The following MZT2B variants were observed in gnomAD, a reference collection of about 807,000 sequenced individuals.
MZT2B encodes mitotic-spindle organizing protein 2B.
MZT2B carries 11 observed loss-of-function variants against 12.1 expected under a neutral mutation model. The ratio of observed to expected loss-of-function variants is 0.91; its 90% confidence interval spans 0.57 to 1.50. The LOEUF (loss-of-function observed/expected upper bound fraction) is 1.50. MZT2B is among the 40% of genes most tolerant of loss of function. MZT2B has a pLI of 0.00. For missense variants in MZT2B, 209 were observed against 227.7 expected (o/e 0.92, Z 0.53); for synonymous variants, 85 against 109.5 (o/e 0.78, Z 1.40).
Position 130,182,490 on chromosome 2 carries a change from A to AC in MZT2B, c.170+44dup, listed in dbSNP as rs1352871404. The stretch of plus-strand genomic sequence containing the variant: ...GGTGGGGGCCGCATGCTAGCCAGAC[A>AC]CCCCCCGACCTCTGCTTTCCGGGTA... On this transcript the variant is annotated intron_variant, in intron 1 of 2. Transcript: ENST00000281871. 5 of 1,536,476 alleles carry AC rather than the reference A, an allele frequency of 3.3e-6. No homozygotes were observed. The South Asian group carries it at 4.8e-5, about 15-fold the overall frequency.
downstream of MZT2B, among the ~76,000 whole-genome samples, chr2:130,192,419 G>GA (rs1253996411): frequency 2.6e-5 from 4 of 152,156 alleles, no homozygotes; most frequent in Non-Finnish European, 5.9e-5. Context: ...TCTTCCCTCT[G>GA]AAAATGTATG....
At position 130,182,349 on chromosome 2, in the gene MZT2B, C is replaced by T; in HGVS notation, c.67C>T (p.Gln23Ter). 6.5e-7 allele frequency: 1 copy of T among 1,534,358 alleles called. No individual in the cohort carries two copies. Among genetic ancestry groups the T allele is most frequent in the Non-Finnish European group, 8.7e-7 (1 of 1,145,374 alleles). The change falls in exon 1 of 3, where the codon CAG becomes TAG. Residue 23 changes from glutamine to a stop codon, truncating the protein, a stop_gained. Coordinates refer to ENST00000281871, the MANE Select transcript of MZT2B (RefSeq NM_025029.5). LOFTEE classifies it high-confidence loss of function. The stretch of plus-strand genomic sequence containing the variant: ...GCCCCCGGGGCTGGAGGCGGCCCGG[C>T]AGAAGCTGGCGCTGCGGCGGAAGAA... Reference protein sequence around the residue: ...AAPPGLEAARQKLALRRKKVL... With the variant: ...AAPPGLEAAR
chr2:130,201,499 G>C, the MZT2B span, among the ~76,000 whole-genome samples: 1 of 152,056 alleles, frequency 6.6e-6, no homozygotes, highest in Non-Finnish European at 1.5e-5. Flanking sequence ...CCACCCTTAT[G>C]ACCTCACTTA....
At chr2:130,204,406 T>G in the MZT2B span, 3 of 428,744 alleles carry the variant, frequency 7.0e-6, no homozygotes, top group Non-Finnish European at 1.3e-5. Flanking sequence ...GAGGATGCTG[T>G]TTAGCCAGAT....
chr2:130,189,463 C>T (rs529361775), intron 2 of MZT2B, among the ~76,000 whole-genome samples: 59 of 152,228 alleles, frequency 3.9e-4, no homozygotes, highest in South Asian at 1.9e-3. Context: ...ACAAAGGAAA[C>T]ACTGGGGGGA....
intron 2 of MZT2B, chr2:130,183,678 G>A (rs770499089): frequency 1.3e-6 from 2 of 1,537,002 alleles, no homozygotes; most frequent in South Asian, 1.2e-5. Flanking sequence ...GAGTGCCAGG[G>A]CCTGGGCACC....
downstream of MZT2B, chr2:130,193,913 C>G (rs777521650): frequency 6.2e-7 from 1 of 1,614,246 alleles, no homozygotes; most frequent in Non-Finnish European, 8.5e-7. Context: ...CATGTACTTG[C>G]CATGGCGAGG....
At chr2:130,199,237 C>G in the MZT2B span, among the ~76,000 whole-genome samples, 570 of 120,376 alleles carry the variant, frequency 4.7e-3, 139 homozygotes, top group African/African-American at 0.016. Flanking sequence ...AGAAAGGAGG[C>G]AAAATTAACG....
chr2:130,189,377 C>A (rs1690177132), intron 2 of MZT2B, among the ~76,000 whole-genome samples: 1 of 152,142 alleles, frequency 6.6e-6, no homozygotes, highest in Admixed American at 6.5e-5. Context: ...CATGCAAGCC[C>A]CAGCCAGGGT....
chr2:130,186,208 G>T (rs557874387), intron 2 of MZT2B, among the ~76,000 whole-genome samples: 42 of 152,240 alleles, frequency 2.8e-4, no homozygotes, highest in East Asian at 7.7e-4. Flanking sequence ...ACTCGGGTGT[G>T]GAGTTCTCCA....
Position 130,190,501 on chromosome 2 carries a change from G to T in MZT2B, c.352G>T (p.Ala118Ser). The change falls in exon 3 of 3, where the codon GCA becomes TCA. Residue 118 changes from alanine (A) to serine (S), a missense_variant. Physicochemically the swap from Ala to Ser is moderately conservative, Grantham distance 99. Transcript: ENST00000281871. ...RNKGSAALGG[A>S]LALAERSSRE... is the part of the protein sequence containing the mutation. ...CAAAGGCAGCGCTGCCCTCGGGGGA[G>T]CATTGGCCCTGGCGGAACGCAGCAG... 1 of 1,613,784 alleles carries T rather than the reference G, an allele frequency of 6.2e-7. No individual in the cohort carries two copies. Among genetic ancestry groups the T allele is most frequent in the Non-Finnish European group, 8.5e-7 (1 of 1,179,942 alleles).
the MZT2B span, among the ~76,000 whole-genome samples, chr2:130,197,120 C>T: frequency 6.6e-6 from 1 of 152,184 alleles, no homozygotes; most frequent in Non-Finnish European, 1.5e-5. Context: ...TCTCTCTACC[C>T]CTTGAAGCCT....
the MZT2B span, among the ~76,000 whole-genome samples, chr2:130,203,119 C>T: frequency 6.9e-6 from 1 of 144,402 alleles, no homozygotes; most frequent in South Asian, 2.2e-4. Flanking sequence ...TCTCAGCTCA[C>T]TGCATAGGCT....
downstream of MZT2B, chr2:130,195,331 T>C (rs1690378626): frequency 6.8e-7 from 1 of 1,464,310 alleles, no homozygotes; most frequent in Non-Finnish European, 9.2e-7. Flanking sequence ...CTGTTCAAAG[T>C]ACATGACCTA....
intron 2 of MZT2B, among the ~76,000 whole-genome samples, chr2:130,187,602 C>T (rs1278991580): frequency 6.6e-6 from 1 of 152,200 alleles, no homozygotes. Flanking sequence ...CCCCAACCTG[C>T]AGCCACACTT....
At chr2:130,181,665 G>A, upstream of MZT2B, 2 of 1,550,770 alleles carry the variant, frequency 1.3e-6, no homozygotes, top group Non-Finnish European at 8.7e-7. Flanking sequence ...TCTTTGGGCC[G>A]TTACCTCAAA....
chr2:130,182,245 G>C, upstream of MZT2B: 2 of 1,237,200 alleles, frequency 1.6e-6, no homozygotes, highest in East Asian at 7.0e-5. Flanking sequence ...GCTAGGGGGC[G>C]CGGCGGGGCG....
chr2:130,185,832 G>A lies in MZT2B; in HGVS notation c.319+3057G>A, dbSNP rs1244371735. Among the ~76,000 whole-genome samples the A allele has an allele frequency of 2.0e-5, 3 of 152,270 alleles. No individual in the cohort carries two copies. In the East Asian group the frequency reaches 5.8e-4, roughly 29 times the overall value. ...CCCAAGGACAGGAGTGGCCTGGAGT[G>A]CTGGGACCCTCAGGGTCATTTGTTC... On this transcript the variant is annotated intron_variant, in intron 2 of 2. Coordinates refer to ENST00000281871, the MANE Select transcript of MZT2B (RefSeq NM_025029.5).
intron 2 of MZT2B, chr2:130,188,260 C>T (rs372984380): frequency 9.8e-5 from 16 of 163,350 alleles, no homozygotes; most frequent in Admixed American, 7.9e-4. Flanking sequence ...CGCATGGGCA[C>T]CTAAGCACCC....
Sources: allele counts gnomAD v4.1 joint callset (sites outside exome capture counted in the v4.1 genomes callset), GRCh38; gene constraint gnomAD v4.1.1; transcripts MANE v1.5; gene names NCBI Gene and HGNC (gene_info 2026-07-23, HGNC 2026-07-21).